The following MRPL58 variants were observed in gnomAD, a reference collection of about 807,000 sequenced individuals.
MRPL58 encodes mitochondrial ribosomal protein L58.
Under a neutral mutation model 26.0 loss-of-function variants are expected in MRPL58, and 17 were observed. The observed-to-expected ratio is 0.65, with a 90% CI of 0.45 to 0.98. The LOEUF is 0.98. MRPL58 is among the 50% of genes least tolerant of loss of function. The pLI, the probability that MRPL58 is intolerant of heterozygous loss-of-function variation, is 0.00. For missense variants in MRPL58, 250 were observed against 269.0 expected, an observed-to-expected ratio of 0.93 and a Z score of 0.49; for synonymous variants, 100 against 99.7, an observed-to-expected ratio of 1.00 and a Z score of -0.02.
At chr17:75,014,432 C>G (rs962463699) in intron 1 of MRPL58, among the ~76,000 whole-genome samples, 3 of 144,012 alleles carry the variant, frequency 2.1e-5, no homozygotes, top group African/African-American at 5.2e-5. Context: ...CGTGAGCCAC[C>G]GCGCCAGGCT....
rs544672454 is a variant in MRPL58, at chr17:75,018,932, G to A, written c.224-768G>A. On this transcript the variant is annotated intron_variant, in intron 2 of 5. Transcript: ENST00000301585. ...AAGGGACAGGACACCCTGTGGCTGA[G>A]GAGCGAATACCATGCTGCAGTGAAG... 1.6e-4 allele frequency among the ~76,000 whole-genome samples: 25 copies of A among 152,224 alleles called. 1 individual carries two copies. In the South Asian group the frequency reaches 5.2e-3, roughly 32 times the overall value.
rs1324897252 is a variant in MRPL58, at chr17:75,020,565, A to C, written c.444A>C (p.Ala148=). 4.3e-6 allele frequency: 7 copies of C among 1,614,086 alleles called. No individual in the cohort carries two copies. Among genetic ancestry groups the C allele is most frequent in the Non-Finnish European group, 5.9e-6 (7 of 1,180,036 alleles). The change falls in exon 5 of 6, where the codon GCA becomes GCC. Residue 148 remains alanine (A), a synonymous_variant. Coordinates refer to ENST00000301585, the MANE Select transcript of MRPL58 (RefSeq NM_001545.3). ...ESSRYQFRNL[A]DCLQKIRDMI... ...GCCGCTATCAGTTCCGGAATCTGGC[A>C]GATTGCCTGCAGAAAATTCGAGACA...
In MRPL58 at chr17:75,020,666, A is replaced by C; in HGVS notation, c.536+9A>C. 1 of 1,613,630 alleles carries C rather than the reference A, an allele frequency of 6.2e-7. No homozygotes were observed. The highest frequency in any genetic ancestry group is 8.5e-7 in the Non-Finnish European group (1 of 1,179,548). On this transcript the variant is annotated intron_variant, in intron 5 of 5. Transcript: ENST00000301585. ...AAACTTCATAGAATCAGGTACCAGG[A>C]AATGCCCTAAGATGCTATAAACTGA... is the stretch of plus-strand genomic sequence containing the variant.
Position 75,017,023 on chromosome 17 carries a change from T to A in MRPL58, c.187-55T>A, listed in dbSNP as rs903899663. The A allele has an allele frequency of 2.4e-5, 32 of 1,355,744 alleles. No individual in the cohort carries two copies. The African/African-American group carries it at 4.0e-4, about 17-fold the overall frequency. 84.0% of individuals were successfully genotyped at this position (1,355,744 alleles called of 1,614,324 possible). On this transcript the variant is annotated intron_variant, in intron 1 of 5. Coordinates refer to ENST00000301585, the MANE Select transcript of MRPL58 (RefSeq NM_001545.3). ...TCATTTCTTTGTTGCCTTGAACCAG[T>A]TAGGAGTCACCCAGCAGGTAATATT...
chr17:75,019,308 ACT>A (rs2039997711), intron 2 of MRPL58, among the ~76,000 whole-genome samples: 1 of 151,952 alleles, frequency 6.6e-6, no homozygotes, highest in Non-Finnish European at 1.5e-5. Context: ...AGCCTCCCAC[ACT>A]CTCATGGATC....
intron 3 of MRPL58, 116 bp from the exon 4 acceptor site, chr17:75,020,197 T>C (rs1003687024): frequency 1.7e-5 from 14 of 801,178 alleles, no homozygotes; most frequent in South Asian, 3.1e-5. Context: ...TAGGCTACAA[T>C]GTACATGGTT....
chr17:75,020,538 C>T lies in MRPL58; in HGVS notation c.417C>T (p.Ser139=). The T allele has an allele frequency of 6.2e-7, 1 of 1,614,138 alleles. No individual in the cohort carries two copies. The highest frequency in any genetic ancestry group is 8.5e-7 in the Non-Finnish European group (1 of 1,180,002). The change falls in exon 5 of 6, where the codon AGC becomes AGT. Residue 139 remains serine (S), a synonymous_variant. Coordinates refer to ENST00000301585, the MANE Select transcript of MRPL58 (RefSeq NM_001545.3). ...RLGELILTSE[S]SRYQFRNLAD... is the part of the protein sequence containing the mutation. ...GAGAGTTGATCCTCACCTCTGAGAG[C>T]AGCCGCTATCAGTTCCGGAATCTGG...
At position 75,016,719 on chromosome 17, in the gene MRPL58, C is replaced by G. The variant is rs777048142; in HGVS notation, c.187-359C>G. On this transcript the variant is annotated intron_variant, in intron 1 of 5. Coordinates refer to ENST00000301585, the MANE Select transcript of MRPL58 (RefSeq NM_001545.3). ...CCCCGGAAAGAACAGGGTGGCCCAC[C>G]AGGCTTGTTGCTCCAGGTTGACAGA... Among the ~76,000 whole-genome samples, 7 of 152,310 alleles carry G rather than the reference C, an allele frequency of 4.6e-5. No individual in the cohort carries two copies. In the East Asian group the frequency reaches 1.2e-3, roughly 25 times the overall value.
chr17:75,020,938 G>T lies in MRPL58; in HGVS notation c.554G>T (p.Arg185Leu). The change falls in exon 6 of 6, where the codon CGG (arginine) becomes CTG (leucine). Residue 185 changes from arginine to leucine, a missense_variant. Arg to Leu is a moderately radical substitution (Grantham distance 102, BLOSUM62 -2). Transcript: ENST00000301585. ...GTTTTCAGGATAGAAAACATGAATC[G>T]GGAAAGGCTGAGACAAAAGAGAATT... ...LHRIRIENMN[R>L]ERLRQKRIHS... 6.2e-7 allele frequency: 1 copy of T among 1,613,790 alleles called. No homozygotes were observed. Among genetic ancestry groups the T allele is most frequent in the Non-Finnish European group, 8.5e-7 (1 of 1,179,700 alleles).
chr17:75,019,136 A>G (rs2039996402), intron 2 of MRPL58, among the ~76,000 whole-genome samples: 1 of 151,912 alleles, frequency 6.6e-6, no homozygotes, highest in Non-Finnish European at 1.5e-5. Context: ...TCTCAAAAAA[A>G]AAAAAAATGA....
At chr17:75,018,596 A>G (rs961884992) in intron 2 of MRPL58, 19 of 152,066 alleles carry the variant, frequency 1.2e-4, no homozygotes, top group African/African-American at 4.6e-4. Flanking sequence ...AGAGATATCT[A>G]TATCTGAAAG....
intron 5 of MRPL58, 125 bp from the exon 6 acceptor site, chr17:75,020,796 G>C: frequency 1.7e-6 from 2 of 1,207,972 alleles, no homozygotes; most frequent in South Asian, 1.3e-5. Flanking sequence ...ACCTGGGACC[G>C]AGGCCTGCGG....
intron 2 of MRPL58, among the ~76,000 whole-genome samples, chr17:75,017,532 C>A (rs9903199): frequency 6.6e-6 from 1 of 151,956 alleles, no homozygotes; most frequent in Non-Finnish European, 1.5e-5. Context: ...CTGGATCATC[C>A]GAGGTCAGGA....
chr17:75,019,650 C>G (rs376464743), intron 2 of MRPL58, 50 bp from the exon 3 acceptor site: 1 of 1,551,536 alleles, frequency 6.4e-7, no homozygotes, highest in African/African-American at 1.4e-5. Flanking sequence ...GACTGCTTTT[C>G]ATGCCATGAG....
Position 75,021,166 on chromosome 17 carries a change from C to T in MRPL58, c.*161C>T. ...GAATGTTCATTTGGAATGAAGGCTG[C>T]AGGCACTGGTTGCAGACGTCTTTAT... On this transcript the variant is annotated 3_prime_UTR_variant, in exon 6 of 6. Coordinates refer to ENST00000301585, the MANE Select transcript of MRPL58 (RefSeq NM_001545.3). The T allele has an allele frequency of 3.3e-6, 2 of 612,930 alleles. No individual in the cohort carries two copies. The highest frequency in any genetic ancestry group is 4.1e-5 in the South Asian group (2 of 48,638). 38.0% of individuals were successfully genotyped at this position (612,930 alleles called of 1,614,324 possible).
Position 75,013,659 on chromosome 17 carries a change from C to T in MRPL58, c.186+787C>T, listed in dbSNP as rs550618263. Among the ~76,000 whole-genome samples, 4 of 152,254 alleles carry T rather than the reference C, an allele frequency of 2.6e-5. No homozygotes were observed. In the East Asian group the frequency reaches 5.8e-4, roughly 22 times the overall value. ...GGGTTGCAATTTTAAGTAGGATTGT[C>T]TAGGAACGCTGTCAATGAGGTGGCA... On this transcript the variant is annotated intron_variant, in intron 1 of 5. Transcript: ENST00000301585.
In MRPL58 at chr17:75,019,045, G is replaced by C. The variant is rs1040026602; in HGVS notation, c.224-655G>C. Among the ~76,000 whole-genome samples the C allele has an allele frequency of 4.0e-5, 6 of 151,792 alleles. No individual in the cohort carries two copies. In the East Asian group the frequency reaches 1.2e-3, roughly 29 times the overall value. On this transcript the variant is annotated intron_variant, in intron 2 of 5. Transcript: ENST00000301585. ...AGGATCCCTTGAGCCCGGGATGTTC[G>C]CTTCAGCCTGGGATGTTGAGGCTGC...
chr17:75,017,119 G>A lies in MRPL58; in HGVS notation c.223+5G>A. On this transcript the variant is annotated splice_donor_5th_base_variant and intron_variant, in intron 2 of 5. Transcript: ENST00000301585. ...CCGACAGTGACATCCCTCTAGGTAA[G>A]TAATTTTGTTTTCTTAAAAATCAGT... is the stretch of plus-strand genomic sequence containing the variant. The A allele has an allele frequency of 3.7e-6, 6 of 1,610,798 alleles. No homozygotes were observed. The highest frequency in any genetic ancestry group is 5.1e-6 in the Non-Finnish European group (6 of 1,177,030).
At chr17:75,015,484 C>T (rs1156308609) in intron 1 of MRPL58, among the ~76,000 whole-genome samples, 2 of 152,004 alleles carry the variant, frequency 1.3e-5, no homozygotes, top group African/African-American at 4.8e-5. Context: ...GACTCCATCT[C>T]AAAACAAAAA....
Sources: gnomAD v4.1 joint callset for allele counts (sites outside exome capture counted in the v4.1 genomes callset) on GRCh38, gnomAD v4.1.1 for gene constraint, MANE v1.5 for transcripts, NCBI Gene and HGNC (gene_info 2026-07-23, HGNC 2026-07-21) for gene names.